Variants in CEP162 observed in about 807,000 individuals in gnomAD.
The protein encoded by CEP162 is centrosomal protein of 162 kDa.
In CEP162, 141 loss-of-function variants were observed where a neutral mutation model predicts 169.2. The observed-to-expected ratio is 0.83, with a 90% CI of 0.73 to 0.96. The LOEUF is 0.96. Ranked by LOEUF, CEP162 falls within the 40% of genes least tolerant of loss-of-function variation. The pLI, the probability that CEP162 is intolerant of heterozygous loss-of-function variation, is 0.00. For missense variants in CEP162, 1,600 were observed against 1,587.2 expected (o/e 1.01, Z -0.14); for synonymous variants, 540 against 526.4 (o/e 1.03, Z -0.35).
chr6:84,183,216 G>A (rs2099535687), intron 13 of CEP162, among the ~76,000 whole-genome samples: 5 of 151,926 alleles, frequency 3.3e-5, no homozygotes, highest in Admixed American at 1.3e-4. Flanking sequence ...ATGAGTTTAA[G>A]AATATTATTT....
intron 22 of CEP162, among the ~76,000 whole-genome samples, chr6:84,154,566 T>C (rs1290154048): frequency 6.6e-6 from 1 of 152,144 alleles, no homozygotes; most frequent in East Asian, 1.9e-4. Flanking sequence ...GGAAATGAAA[T>C]GAGCTTCCTA....
chr6:84,192,618 A>G (rs2099540387), intron 11 of CEP162, among the ~76,000 whole-genome samples: 1 of 152,260 alleles, frequency 6.6e-6, no homozygotes, highest in Non-Finnish European at 1.5e-5. Context: ...TCATGAGGAT[A>G]CAGTATAGGA....
chr6:84,212,515 A>T (rs1423069380), intron 6 of CEP162, among the ~76,000 whole-genome samples: 12 of 152,068 alleles, frequency 7.9e-5, no homozygotes, highest in Non-Finnish European at 4.4e-5. Flanking sequence ...TCATAGGGCA[A>T]CTAAGAAAAA....
intron 25 of CEP162, among the ~76,000 whole-genome samples, chr6:84,127,795 A>G (rs2129182775): frequency 6.6e-6 from 1 of 152,256 alleles, no homozygotes; most frequent in Admixed American, 6.5e-5. Context: ...GTGAATGAGA[A>G]TTCTAATATT....
chr6:84,186,478 T>C lies in CEP162; in HGVS notation c.1255A>G (p.Thr419Ala), dbSNP rs146285725. ...NDENVILQKTTNESMENSCPQ... is the reference protein window; with the variant it reads ...NDENVILQKTANESMENSCPQ... ...CAGCTGTTTTCCATACTCTCATTTG[T>C]GGTCTTTTGTAAAATCACATTCTCA... The change falls in exon 12 of 27, where the codon ACA becomes GCA. Residue 419 changes from threonine to alanine, a missense_variant. Transcript: ENST00000403245. 6.6e-4 allele frequency: 1,066 copies of C among 1,613,392 alleles called. No individual in the cohort carries two copies. Among genetic ancestry groups the C allele is most frequent in the Non-Finnish European group, 8.6e-4 (1,015 of 1,179,496 alleles).
Position 84,152,574 on chromosome 6 carries a change from C to A in CEP162, c.3600G>T (p.Val1200=). The change falls in exon 23 of 27, where the codon GTG becomes GTT. Residue 1200 remains valine, a synonymous_variant. Coordinates refer to ENST00000403245, the MANE Select transcript of CEP162 (RefSeq NM_014895.4). ...KNELKMKSEA[V]MNQFENSMRR... is the part of the protein sequence containing the mutation. ...TCATGGAGTTTTCAAATTGATTCAT[C>A]ACTGCTTCAGATTTCATCTTCAGTT... 6.6e-7 allele frequency: 1 copy of A among 1,524,384 alleles called. No homozygotes were observed. The highest frequency in any genetic ancestry group is 8.8e-7 in the Non-Finnish European group (1 of 1,135,268). 94.4% of individuals were successfully genotyped at this position (1,524,384 alleles called of 1,614,324 possible). A position where few individuals can be genotyped will look rare whatever the true frequency, so the allele number is the denominator to read the frequency against.
intron 2 of CEP162, among the ~76,000 whole-genome samples, chr6:84,225,723 C>CTA: frequency 6.8e-6 from 1 of 146,878 alleles, no homozygotes; most frequent in South Asian, 2.1e-4. Context: ...GTGCTAAGTG[C>CTA]TATAAAAAGA....
chr6:84,195,738 C>T (rs563109016), intron 9 of CEP162, among the ~76,000 whole-genome samples: 21 of 152,252 alleles, frequency 1.4e-4, no homozygotes, highest in South Asian at 4.1e-4. Flanking sequence ...CCAACTCTTG[C>T]GGTCTATAGT....
intron 6 of CEP162, among the ~76,000 whole-genome samples, chr6:84,211,112 C>T (rs1041422768): frequency 5.3e-5 from 8 of 151,218 alleles, no homozygotes; most frequent in African/African-American, 1.9e-4. Context: ...TGAACAAATA[C>T]TGAGATCTGT....
At chr6:84,201,981 A>G (rs1008740943) in intron 7 of CEP162, among the ~76,000 whole-genome samples, 1 of 152,208 alleles carries the variant, frequency 6.6e-6, no homozygotes, top group African/African-American at 2.4e-5. Context: ...ATTCTCTTCT[A>G]AAACTTGGCA....
Position 84,126,446 on chromosome 6 carries a change from C to CGT in CEP162, c.3936_3937insAC (p.Val1313ThrfsTer4). ...TGCTTAATTTTCTTTTCTAAGCCCACGAAATGTTTCATCTCTGGTGTATGG... is the reference window on the plus strand; with the variant it reads ...TGCTTAATTTTCTTTTCTAAGCCCACGTGAAATGTTTCATCTCTGGTGTATGG... On this transcript the variant is annotated frameshift_variant, in exon 26 of 27. Coordinates refer to ENST00000403245, the MANE Select transcript of CEP162 (RefSeq NM_014895.4). LOFTEE classifies it high-confidence loss of function. 1 of 1,591,106 alleles carries CGT rather than the reference C, an allele frequency of 6.3e-7. No individual in the cohort carries two copies. Among genetic ancestry groups the CGT allele is most frequent in the Non-Finnish European group, 8.6e-7 (1 of 1,167,252 alleles).
Position 84,169,437 on chromosome 6 carries a change from A to G in CEP162, c.2280-4T>C. The G allele has an allele frequency of 1.3e-6, 2 of 1,515,172 alleles. No homozygotes were observed. The highest frequency in any genetic ancestry group is 1.8e-6 in the Non-Finnish European group (2 of 1,123,362). 93.9% of individuals were successfully genotyped at this position (1,515,172 alleles called of 1,614,324 possible). On this transcript the variant is annotated splice_region_variant and splice_polypyrimidine_tract_variant and intron_variant, in intron 17 of 26. Transcript: ENST00000403245. The stretch of plus-strand genomic sequence containing the variant: ...ACGACTTTTGTGCATCTGTTCTCTA[A>G]TTTATTTTGAAAATAAAAAGTTGTT...
intron 9 of CEP162, among the ~76,000 whole-genome samples, chr6:84,199,575 G>T (rs1268066021): frequency 2.4e-5 from 3 of 123,686 alleles, no homozygotes; most frequent in Non-Finnish European, 5.1e-5. Context: ...AAAAAAAAAA[G>T]AATGAAATGC....
chr6:84,166,328 A>G (rs1162751710), intron 18 of CEP162, among the ~76,000 whole-genome samples: 1 of 152,196 alleles, frequency 6.6e-6, no homozygotes, highest in African/African-American at 2.4e-5. Context: ...TGAAGCCTGA[A>G]TCTTTGCATG....
chr6:84,174,640 C>T (rs550474311), intron 15 of CEP162, 87 bp downstream of exon 15: 1 of 668,998 alleles, frequency 1.5e-6, no homozygotes, highest in African/African-American at 1.8e-5. Flanking sequence ...TCTCTAGGAA[C>T]CAAGGATGAC....
chr6:84,176,820 A>G (rs922353561), intron 13 of CEP162, among the ~76,000 whole-genome samples: 1 of 152,084 alleles, frequency 6.6e-6, no homozygotes. Context: ...CTTTTATGCC[A>G]GAGTTCTCCC....
Position 84,187,741 on chromosome 6 carries a change from G to C in CEP162, c.1110-1118C>G, listed in dbSNP as rs544547734. On this transcript the variant is annotated intron_variant, in intron 11 of 26. Coordinates refer to ENST00000403245, the MANE Select transcript of CEP162 (RefSeq NM_014895.4). ...TACAGTGGCAAAACATTGCTAAACT[G>C]TCATCTACAAAAGTTTATAAGGCAG... Among the ~76,000 whole-genome samples the C allele has an allele frequency of 2.6e-5, 4 of 152,244 alleles. No individual in the cohort carries two copies. In the South Asian group the frequency reaches 8.3e-4, roughly 32 times the overall value.
intron 3 of CEP162, among the ~76,000 whole-genome samples, chr6:84,220,778 A>G (rs1352132078): frequency 2.0e-5 from 3 of 152,208 alleles, no homozygotes; most frequent in African/African-American, 7.2e-5. Context: ...TCAATTTATC[A>G]TTAAACATGA....
intron 18 of CEP162, among the ~76,000 whole-genome samples, chr6:84,164,059 T>C (rs2099526816): frequency 6.7e-6 from 1 of 149,414 alleles, no homozygotes; most frequent in African/African-American, 2.5e-5. Context: ...CAGACTCTTC[T>C]CAAAAGACGA....
Sources: gnomAD v4.1 joint callset for allele counts (sites outside exome capture counted in the v4.1 genomes callset) on GRCh38, gnomAD v4.1.1 for gene constraint, MANE v1.5 for transcripts, NCBI Gene and HGNC (gene_info 2026-07-23, HGNC 2026-07-21) for gene names.